Variants in RGPD8 observed in about 807,000 individuals in gnomAD.
RGPD8 encodes RANBP2-like and GRIP domain-containing protein 8.
A neutral mutation model predicts 89.1 loss-of-function variants in RGPD8; 15 were observed. The ratio of observed to expected loss-of-function variants is 0.17; its 90% CI spans 0.11 to 0.26. RGPD8 has a LOEUF of 0.26. Among genes scored for constraint, RGPD8 ranks in the 10% least tolerant of loss-of-function variants. The probability of loss-of-function intolerance (pLI) is 1.00; values close to 1 mark genes in which losing one functional copy is unlikely to be tolerated. For missense variants in RGPD8, 178 were observed against 1,179.6 expected (o/e 0.15, Z 12.44); for synonymous variants, 62 against 420.9 (o/e 0.15, Z 10.44).
intron 7 of RGPD8, among the ~76,000 whole-genome samples, chr2:112,408,826 C>A (rs1357094257): frequency 6.6e-6 from 1 of 151,902 alleles, no homozygotes; most frequent in African/African-American, 2.4e-5. Context: ...CACCCGCCAC[C>A]ATGCGTGGCT....
intron 6 of RGPD8, among the ~76,000 whole-genome samples, chr2:112,416,303 C>T (rs1214862384): frequency 5.9e-5 from 9 of 152,152 alleles, no homozygotes; most frequent in African/African-American, 1.9e-4. Flanking sequence ...ATTTAGGACA[C>T]TATGTACTTT....
intron 1 of RGPD8, among the ~76,000 whole-genome samples, chr2:112,431,858 T>C (rs1680055569): frequency 6.6e-6 from 1 of 152,212 alleles, no homozygotes; most frequent in Non-Finnish European, 1.5e-5. Flanking sequence ...CAGGCTGGTC[T>C]CGAACTCCTG....
rs1354977833 is a variant in RGPD8, at chr2:112,426,037, T to G, written c.73-1730A>C. 7.9e-5 allele frequency among the ~76,000 whole-genome samples: 12 copies of G among 152,004 alleles called. No homozygotes were observed. In the East Asian group the frequency reaches 2.3e-3, roughly 30 times the overall value. ...GTGTCACAACAAAACTAGCACAAATTTCTTTTTCCTTCTTCACAATTTCAT... is the reference window on the plus strand; with the variant it reads ...GTGTCACAACAAAACTAGCACAAATGTCTTTTTCCTTCTTCACAATTTCAT... On this transcript the variant is annotated intron_variant, in intron 1 of 22. Coordinates refer to ENST00000302558, the MANE Select transcript of RGPD8 (RefSeq NM_001164463.1).
chr2:112,420,169 CAA>C (rs1171607081), intron 4 of RGPD8, among the ~76,000 whole-genome samples: 1 of 26,166 alleles, frequency 3.8e-5, no homozygotes, highest in African/African-American at 1.8e-4. Flanking sequence ...GACTCTGTCT[CAA>C]AAAAAAAAAA....
intron 1 of RGPD8, among the ~76,000 whole-genome samples, chr2:112,429,206 G>A (rs1679906863): frequency 6.6e-6 from 1 of 151,842 alleles, no homozygotes; most frequent in Admixed American, 6.6e-5. Context: ...GGATCATGAG[G>A]TCAGGAGATT....
At chr2:112,429,501 G>T (rs1316291246) in intron 1 of RGPD8, among the ~76,000 whole-genome samples, 1 of 150,154 alleles carries the variant, frequency 6.7e-6, no homozygotes, top group African/African-American at 2.4e-5. Flanking sequence ...GTATATATGT[G>T]TGTTACTCAG....
chr2:112,413,114 AAATT>A (rs1186169705), intron 6 of RGPD8, among the ~76,000 whole-genome samples: 1 of 139,238 alleles, frequency 7.2e-6, no homozygotes, highest in South Asian at 2.2e-4. Context: ...AGCGTTAAAT[AAATT>A]GTCTTTTTTT....
At chr2:112,424,535 C>A (rs1679679257) in intron 1 of RGPD8, among the ~76,000 whole-genome samples, 1 of 151,976 alleles carries the variant, frequency 6.6e-6, no homozygotes, top group Non-Finnish European at 1.5e-5. Context: ...GCCTGGCTAA[C>A]ATGGTGAAAC....
rs779871367 is a variant in RGPD8 at position 112,433,412 on chromosome 2, C to T, written c.42G>A (p.Ser14=). 2 of 1,610,688 alleles carry T rather than the reference C, an allele frequency of 1.2e-6. No individual in the cohort carries two copies. Among genetic ancestry groups the T allele is most frequent in the African/African-American group, 1.3e-5 (1 of 74,850 alleles). Residue 14 remains serine, a synonymous_variant, in exon 1 of 23, where the codon TCG becomes TCA. Transcript: ENST00000302558. ...GAGGCGACGGGGTGAGACCCAGCACCGAGGCGACGTACCGCTCCACATCGG... is the reference window on the plus strand; with the variant it reads ...GAGGCGACGGGGTGAGACCCAGCACTGAGGCGACGTACCGCTCCACATCGG... ...SKADVERYVA[S]VLGLTPSPRQ... is the part of the protein sequence containing the mutation.
At chr2:112,409,091 AAGTT>A (rs1679064575) in intron 7 of RGPD8, among the ~76,000 whole-genome samples, 1 of 130,654 alleles carries the variant, frequency 7.7e-6, no homozygotes, top group Middle Eastern at 3.5e-3. Context: ...CTTGCCATAA[AAGTT>A]AGCCAATTCT....
At chr2:112,416,105 A>G (rs1402999179) in intron 6 of RGPD8, among the ~76,000 whole-genome samples, 65 of 147,332 alleles carry the variant, frequency 4.4e-4, no homozygotes, top group African/African-American at 1.5e-3. Context: ...AAAAAAAAAA[A>G]AAAAAAGAAA....
chr2:112,422,443 C>A (rs1387253038), intron 3 of RGPD8, 105 bp downstream of exon 3: 3 of 1,513,030 alleles, frequency 2.0e-6, no homozygotes, highest in South Asian at 1.2e-5. Context: ...GATACCAATG[C>A]CTGTTTTATG....
chr2:112,404,700 C>CAAA (rs1318458486), intron 8 of RGPD8, among the ~76,000 whole-genome samples: 45 of 45,724 alleles, frequency 9.8e-4, no homozygotes, highest in African/African-American at 3.5e-3. Context: ...ACTAAAAATA[C>CAAA]AAAAAAAAAA....
intron 1 of RGPD8, among the ~76,000 whole-genome samples, chr2:112,426,929 T>G (rs1011342565): frequency 2.0e-5 from 3 of 150,702 alleles, no homozygotes; most frequent in Non-Finnish European, 4.4e-5. Context: ...GGGTACAAGC[T>G]GGGACTACAG....
chr2:112,410,923 T>TA (rs1679158804), intron 7 of RGPD8, among the ~76,000 whole-genome samples: 1 of 152,142 alleles, frequency 6.6e-6, no homozygotes, highest in Non-Finnish European at 1.5e-5. Flanking sequence ...TCGTCTCTAC[T>TA]AAAAACACAA....
intron 14 of RGPD8, 48 bp from the exon 15 acceptor site, chr2:112,399,417 AACTTT>A (rs1678845736): frequency 3.1e-6 from 1 of 327,304 alleles, no homozygotes; most frequent in Non-Finnish European, 5.0e-6. Flanking sequence ...TAAAACAAAA[AACTTT>A]CAGCTTGGCC....
intron 1 of RGPD8, among the ~76,000 whole-genome samples, chr2:112,430,284 A>G (rs1217390275): frequency 1.3e-5 from 2 of 152,132 alleles, no homozygotes; most frequent in Admixed American, 6.6e-5. Flanking sequence ...CTTCACAGCC[A>G]CTGCCTCTTC....
intron 22 of RGPD8, among the ~76,000 whole-genome samples, chr2:112,373,762 TAACA>T (rs1236016246): frequency 4.3e-5 from 6 of 138,926 alleles, no homozygotes; most frequent in East Asian, 2.0e-4. Flanking sequence ...GAACTCCTTC[TAACA>T]AACAATCCTG....
At chr2:112,416,354 C>T (rs1446682251) in intron 6 of RGPD8, among the ~76,000 whole-genome samples, 2 of 150,978 alleles carry the variant, frequency 1.3e-5, no homozygotes, top group Non-Finnish European at 3.0e-5. Flanking sequence ...GTGAAATGAA[C>T]TTCTTTCCTT....
Sources: allele counts gnomAD v4.1 joint callset (sites outside exome capture counted in the v4.1 genomes callset), GRCh38; gene constraint gnomAD v4.1.1; transcripts MANE v1.5; gene names NCBI Gene and HGNC (gene_info 2026-07-23, HGNC 2026-07-21).